ANO3: variants seen among roughly 807,000 people sequenced by gnomAD.
ANO3 encodes the protein anoctamin-3.
Under a neutral mutation model 144.8 loss-of-function variants are expected in ANO3, and 99 were observed. The ratio of observed to expected loss-of-function variants is 0.68; its 90% CI spans 0.58 to 0.81. The LOEUF (loss-of-function observed/expected upper bound fraction) is 0.81. Among genes scored for constraint, ANO3 ranks in the 30% least tolerant of loss-of-function variants. The pLI is 0.00. For synonymous variants in ANO3, 414 were observed against 392.6 expected (o/e 1.05, Z -0.64); for missense variants, 905 against 1,202.2 (o/e 0.75, Z 3.66).
chr11:26,377,536 C>G (rs373338238), intron 1 of ANO3, among the ~76,000 whole-genome samples: 15 of 152,048 alleles, frequency 9.9e-5, no homozygotes, highest in African/African-American at 3.6e-4. Context: ...AAATTAAAAA[C>G]TCTGAAGACT....
At chr11:26,238,545 A>ATTTT (rs2133808935) in intron 1 of ANO3, among the ~76,000 whole-genome samples, 1 of 151,980 alleles carries the variant, frequency 6.6e-6, no homozygotes, top group African/African-American at 2.4e-5. Context: ...TTATTTATTT[A>ATTTT]TCTATTCATT....
chr11:26,644,181 AT>A (rs1853265658), intron 23 of ANO3, among the ~76,000 whole-genome samples: 1 of 152,218 alleles, frequency 6.6e-6, no homozygotes, highest in Admixed American at 6.5e-5. Context: ...TATGAAAATA[AT>A]AAAAGGAACA....
intron 1 of ANO3, among the ~76,000 whole-genome samples, chr11:26,281,126 T>C (rs1023560142): frequency 2.6e-5 from 4 of 152,192 alleles, no homozygotes; most frequent in African/African-American, 9.7e-5. Context: ...TGTGAAATAA[T>C]TAACATTAAT....
chr11:26,471,822 C>T lies in ANO3; in HGVS notation c.432+8674C>T, dbSNP rs535571298. Among the ~76,000 whole-genome samples, 11 of 151,900 alleles carry T rather than the reference C, an allele frequency of 7.2e-5. No individual in the cohort carries two copies. The South Asian group carries it at 2.3e-3, about 31-fold the overall frequency. ...GTATTTCATATATGATACAAAGAAA[C>T]AAAAAATAAGTCAAAGGTGTTTTCT... On this transcript the variant is annotated intron_variant, in intron 4 of 26. Coordinates refer to ENST00000256737, the MANE Select transcript of ANO3 (RefSeq NM_031418.4).
At chr11:26,262,861 G>T (rs1218044290) in intron 1 of ANO3, among the ~76,000 whole-genome samples, 1 of 151,958 alleles carries the variant, frequency 6.6e-6, no homozygotes, top group Admixed American at 6.6e-5. Context: ...CATTGATCTT[G>T]GGCTTCTCAG....
At chr11:26,488,144 A>G (rs1860540258) in intron 4 of ANO3, among the ~76,000 whole-genome samples, 2 of 152,186 alleles carry the variant, frequency 1.3e-5, no homozygotes, top group South Asian at 4.1e-4. Context: ...CCAGCCTGAC[A>G]ACAGAGTGAG....
chr11:26,439,797 G>C (rs1858447546), intron 1 of ANO3, among the ~76,000 whole-genome samples: 1 of 152,108 alleles, frequency 6.6e-6, no homozygotes. Context: ...CATAGACAAA[G>C]ACCAATAAAC....
At chr11:26,193,338 C>T (rs1211064745) in intron 1 of ANO3, among the ~76,000 whole-genome samples, 1 of 151,956 alleles carries the variant, frequency 6.6e-6, no homozygotes, top group Admixed American at 6.6e-5. Flanking sequence ...GACTGGGTTT[C>T]TCTGTGTTAG....
At chr11:26,561,698 A>C (rs1352118961) in intron 14 of ANO3, among the ~76,000 whole-genome samples, 1 of 151,986 alleles carries the variant, frequency 6.6e-6, no homozygotes, top group Non-Finnish European at 1.5e-5. Context: ...GGAGATAAAA[A>C]AAGTATTTGT....
In ANO3 at chr11:26,589,158, G is replaced by C. The variant is rs1851371414; in HGVS notation, c.1448-9207G>C. ...TAGCAAGAGTTTTGGTCCTGGCTCT[G>C]CCATTTATTGTCTGTGTCACAGCCA... On this transcript the variant is annotated intron_variant, in intron 14 of 26. Coordinates refer to ENST00000256737, the MANE Select transcript of ANO3 (RefSeq NM_031418.4). 2.6e-5 allele frequency among the ~76,000 whole-genome samples: 4 copies of C among 152,310 alleles called. 1 individual carries two copies. In the South Asian group the frequency reaches 8.3e-4, roughly 32 times the overall value.
At chr11:26,453,332 C>A (rs1859022008) in intron 3 of ANO3, among the ~76,000 whole-genome samples, 1 of 151,364 alleles carries the variant, frequency 6.6e-6, no homozygotes, top group South Asian at 2.1e-4. Flanking sequence ...ATTCAGGAAA[C>A]CCATCTCACG....
intron 14 of ANO3, among the ~76,000 whole-genome samples, chr11:26,583,259 G>A (rs1327641169): frequency 1.3e-5 from 2 of 152,130 alleles, no homozygotes; most frequent in Admixed American, 1.3e-4. Flanking sequence ...GCAAGGCGGG[G>A]GAAAGATGTC....
chr11:26,643,542 G>T (rs919288240), intron 23 of ANO3, among the ~76,000 whole-genome samples: 1 of 151,966 alleles, frequency 6.6e-6, no homozygotes, highest in African/African-American at 2.4e-5. Flanking sequence ...GTTCACCTGA[G>T]GTCAGGAATT....
chr11:26,436,003 TTA>T (rs1429097297), intron 1 of ANO3, among the ~76,000 whole-genome samples: 1 of 152,200 alleles, frequency 6.6e-6, no homozygotes, highest in Non-Finnish European at 1.5e-5. Context: ...TGGTTCTTTC[TTA>T]TGTGTGTGTG....
chr11:26,581,307 C>CTT (rs5790592), intron 14 of ANO3, among the ~76,000 whole-genome samples: 1,747 of 140,942 alleles, frequency 0.012, 61 homozygotes, highest in Admixed American at 0.074. Flanking sequence ...GTGCAATTCC[C>CTT]TTTTTTTTTT....
At chr11:26,348,841 G>C (rs1382326618) in intron 1 of ANO3, among the ~76,000 whole-genome samples, 1 of 152,362 alleles carries the variant, frequency 6.6e-6, no homozygotes, top group East Asian at 1.9e-4. Context: ...ATTAACAGTG[G>C]AGTGTAATAA....
intron 1 of ANO3, among the ~76,000 whole-genome samples, chr11:26,384,640 G>A (rs1856676110): frequency 6.6e-6 from 1 of 151,974 alleles, no homozygotes; most frequent in South Asian, 2.1e-4. Context: ...CCAAACATAT[G>A]CCACATCTTT....
intron 1 of ANO3, among the ~76,000 whole-genome samples, chr11:26,347,524 G>C (rs922293225): frequency 1.3e-5 from 2 of 152,148 alleles, no homozygotes; most frequent in Non-Finnish European, 2.9e-5. Context: ...GAGTTCATGT[G>C]AAAATGAAAT....
At chr11:26,278,665 A>G (rs1853610855) in intron 1 of ANO3, among the ~76,000 whole-genome samples, 1 of 152,142 alleles carries the variant, frequency 6.6e-6, no homozygotes, top group Non-Finnish European at 1.5e-5. Context: ...TCAAAATTCT[A>G]CAGTGGATAA....
Sources: gnomAD v4.1 joint callset for allele counts (sites outside exome capture counted in the v4.1 genomes callset) on GRCh38, gnomAD v4.1.1 for gene constraint, MANE v1.5 for transcripts, NCBI Gene and HGNC (gene_info 2026-07-23, HGNC 2026-07-21) for gene names.